Variants in LRRC3B observed in about 807,000 individuals in gnomAD.
LRRC3B encodes the protein leucine-rich repeat-containing protein 3B.
In LRRC3B, 2 loss-of-function variants were observed where a neutral mutation model predicts 12.8. The ratio of observed to expected loss-of-function variants is 0.16; its 90% CI spans 0.06 to 0.49. LRRC3B has a LOEUF of 0.49. LRRC3B is among the 20% of genes least tolerant of loss of function. The probability of loss-of-function intolerance (pLI) is 0.96; values close to 1 mark genes in which losing one functional copy is unlikely to be tolerated. For missense variants in LRRC3B, 189 were observed against 319.4 expected (o/e 0.59, Z 3.11); for synonymous variants, 132 against 122.0 (o/e 1.08, Z -0.54).
At chr3:26,666,285 G>T (rs1267653680) in intron 1 of LRRC3B, among the ~76,000 whole-genome samples, 1 of 151,862 alleles carries the variant, frequency 6.6e-6, no homozygotes, top group Non-Finnish European at 1.5e-5. Context: ...GAGAAGAAAA[G>T]GAAAGGAAAA....
chr3:26,697,686 T>C (rs1414473006), intron 1 of LRRC3B, among the ~76,000 whole-genome samples: 2 of 152,150 alleles, frequency 1.3e-5, no homozygotes, highest in Non-Finnish European at 2.9e-5. Context: ...AAATTCTCAA[T>C]TCATTACAGC....
intron 1 of LRRC3B, among the ~76,000 whole-genome samples, chr3:26,671,410 A>AGAGAGAGAGAGAGAGAGAGG (rs1699742333): frequency 7.6e-6 from 1 of 131,804 alleles, no homozygotes; most frequent in Non-Finnish European, 1.6e-5. Context: ...AGAGAGAGAG[A>AGAGAGAGAGAGAGAGAGAGG]GAGACGAAGT....
intron 1 of LRRC3B, among the ~76,000 whole-genome samples, chr3:26,663,454 C>A (rs1246930355): frequency 6.6e-6 from 1 of 152,100 alleles, no homozygotes; most frequent in Non-Finnish European, 1.5e-5. Flanking sequence ...TCTATAAACT[C>A]TCCATTTAAT....
chr3:26,635,515 C>T (rs568313495), intron 1 of LRRC3B, among the ~76,000 whole-genome samples: 2 of 152,264 alleles, frequency 1.3e-5, no homozygotes, highest in African/African-American at 4.8e-5. Context: ...TGCCTGCACA[C>T]ACCAAGGAAA....
chr3:26,666,796 T>C lies in LRRC3B; in HGVS notation c.-160-42717T>C, dbSNP rs150066718. Among the ~76,000 whole-genome samples the C allele has an allele frequency of 1.3e-4, 20 of 152,290 alleles. No individual in the cohort carries two copies. In the East Asian group the frequency reaches 3.5e-3, roughly 26 times the overall value. On this transcript the variant is annotated intron_variant, in intron 1 of 1. Transcript: ENST00000396641. ...GGATCCACATTACATTTAGTTGTCA[T>C]ACCACCCTTTTCTCCTCTGGTCTGT... is the stretch of plus-strand genomic sequence containing the variant.
intron 1 of LRRC3B, among the ~76,000 whole-genome samples, chr3:26,660,892 A>G (rs780278674): frequency 2.6e-5 from 4 of 152,130 alleles, no homozygotes; most frequent in African/African-American, 4.8e-5. Context: ...ATACCATGGG[A>G]CTGTGGTGGG....
intron 1 of LRRC3B, among the ~76,000 whole-genome samples, chr3:26,696,960 G>A (rs1179327060): frequency 6.6e-6 from 1 of 152,124 alleles, no homozygotes. Flanking sequence ...TGTTTTGACT[G>A]TTTTAGATAA....
At chr3:26,636,976 C>CTTTCTT (rs1559350481) in intron 1 of LRRC3B, among the ~76,000 whole-genome samples, 34 of 112,130 alleles carry the variant, frequency 3.0e-4, no homozygotes, top group East Asian at 1.3e-3. Context: ...CTTTCTTTCT[C>CTTTCTT]TCTCTCTCTT....
intron 1 of LRRC3B, among the ~76,000 whole-genome samples, chr3:26,685,521 C>CTATATA (rs1297622788): frequency 9.6e-5 from 4 of 41,512 alleles, no homozygotes; most frequent in African/African-American, 4.6e-4. Context: ...CTCTCTCTCT[C>CTATATA]TCTATATATA....
At chr3:26,675,102 G>A (rs1699829949) in intron 1 of LRRC3B, among the ~76,000 whole-genome samples, 1 of 152,126 alleles carries the variant, frequency 6.6e-6, no homozygotes, top group Non-Finnish European at 1.5e-5. Context: ...TACTTTAGTA[G>A]TATGTCTTCC....
chr3:26,708,022 C>T (rs184939754), intron 1 of LRRC3B, among the ~76,000 whole-genome samples: 3 of 152,304 alleles, frequency 2.0e-5, no homozygotes, highest in African/African-American at 7.2e-5. Context: ...ATTAACAATC[C>T]AGATCATTAT....
At chr3:26,710,338 A>G in exon 2 of LRRC3B, 5 of 1,614,072 alleles carry the variant, frequency 3.1e-6, no homozygotes, top group Non-Finnish European at 4.2e-6. Context: ...CATATGTGGT[A>G]TATTATGTGA....
At chr3:26,646,542 A>G (rs1205245929) in intron 1 of LRRC3B, among the ~76,000 whole-genome samples, 2 of 147,362 alleles carry the variant, frequency 1.4e-5, no homozygotes, top group Non-Finnish European at 3.0e-5. Context: ...AATTTACCCC[A>G]GAGTGTAGAA....
rs535443572 is a variant in LRRC3B at position 26,697,596 on chromosome 3, T to C, written c.-160-11917T>C. 3.9e-5 allele frequency among the ~76,000 whole-genome samples: 6 copies of C among 152,304 alleles called. No homozygotes were observed. The South Asian group carries it at 1.2e-3, about 32-fold the overall frequency. Reference sequence around the variant, plus strand: ...ATATTTTTAGACCATTTTTGGCTTATCATAATCTATCCTCTGATTCCGAAA... The same window carrying C: ...ATATTTTTAGACCATTTTTGGCTTACCATAATCTATCCTCTGATTCCGAAA... On this transcript the variant is annotated intron_variant, in intron 1 of 1. Transcript: ENST00000396641.
chr3:26,695,323 C>G (rs887084790), intron 1 of LRRC3B, among the ~76,000 whole-genome samples: 1 of 152,102 alleles, frequency 6.6e-6, no homozygotes, highest in African/African-American at 2.4e-5. Flanking sequence ...GTCAGGAGAT[C>G]GAGACCATCC....
chr3:26,697,452 G>A (rs1700345977), intron 1 of LRRC3B, among the ~76,000 whole-genome samples: 1 of 151,892 alleles, frequency 6.6e-6, no homozygotes, highest in Non-Finnish European at 1.5e-5. Flanking sequence ...TTACATTTAG[G>A]GCTCATCCAG....
At chr3:26,671,360 A>ATATATATATG (rs1553603734) in intron 1 of LRRC3B, among the ~76,000 whole-genome samples, 1 of 66,064 alleles carries the variant, frequency 1.5e-5, no homozygotes, top group African/African-American at 9.8e-5. Context: ...GTATATATAT[A>ATATATATATG]TATATATATA....
intron 1 of LRRC3B, among the ~76,000 whole-genome samples, chr3:26,653,338 A>G (rs907436208): frequency 1.3e-5 from 2 of 149,414 alleles, no homozygotes; most frequent in Non-Finnish European, 3.0e-5. Flanking sequence ...CAAGAAATCT[A>G]GAATTTCTGT....
chr3:26,685,271 G>T (rs548757306), intron 1 of LRRC3B, among the ~76,000 whole-genome samples: 5 of 151,786 alleles, frequency 3.3e-5, no homozygotes, highest in Non-Finnish European at 7.4e-5. Context: ...GGTTATTGTT[G>T]TTGTTTTTTG....
Sources: allele counts gnomAD v4.1 joint callset (sites outside exome capture counted in the v4.1 genomes callset), GRCh38; gene constraint gnomAD v4.1.1; transcripts MANE v1.5; gene names NCBI Gene and HGNC (gene_info 2026-07-23, HGNC 2026-07-21).